The following TWF2 variants were observed in gnomAD, a reference collection of about 807,000 sequenced individuals.
The protein encoded by TWF2 is twinfilin actin binding protein 2, also known as twinfilin-2.
TWF2 carries 15 observed loss-of-function variants against 45.1 expected under a neutral mutation model. The ratio of observed to expected loss-of-function variants is 0.33; its 90% CI spans 0.22 to 0.51. The LOEUF (loss-of-function observed/expected upper bound fraction) is 0.51. Among genes scored for constraint, TWF2 ranks in the 20% least tolerant of loss-of-function variants. The pLI is 0.97. For missense variants in TWF2, 423 were observed against 469.1 expected, an observed-to-expected ratio of 0.90 and a Z score of 0.91; for synonymous variants, 177 against 195.8, an observed-to-expected ratio of 0.90 and a Z score of 0.80.
In TWF2 at chr3:52,231,199, G is replaced by A. The variant is rs164637; in HGVS notation, c.411C>T (p.His137=). The A allele has an allele frequency of 0.044, 70,371 of 1,614,020 alleles. 1,792 individuals are homozygous for A. The highest frequency in any genetic ancestry group is 0.05 in the Non-Finnish European group (58,492 of 1,179,938). The change falls in exon 5 of 9, where the codon CAC becomes CAT. Residue 137 remains histidine, a synonymous_variant. Coordinates refer to ENST00000305533, the MANE Select transcript of TWF2 (RefSeq NM_007284.4). ...GGGCAGGTGCCGCACAGGACGACAG[G>A]TGTTTCTGGTACCCAGCAAAAGAGA... The part of the protein sequence containing the change: ...DDLSFAGYQK[H]LSSCAAPAPL...
chr3:52,234,839 G>A (rs1329115726), intron 2 of TWF2, among the ~76,000 whole-genome samples, 190 bp downstream of exon 2: 2 of 152,230 alleles, frequency 1.3e-5, no homozygotes, highest in Admixed American at 6.5e-5. Context: ...CTGCATAACA[G>A]AGGTGACAAT....
intron 2 of TWF2, among the ~76,000 whole-genome samples, chr3:52,234,246 A>T (rs1208470415): frequency 6.6e-6 from 1 of 152,148 alleles, no homozygotes; most frequent in Non-Finnish European, 1.5e-5. Flanking sequence ...TGAATGGCTA[A>T]TGAGAAGAGC....
chr3:52,230,770 G>A, intron 6 of TWF2, 100 bp downstream of exon 6: 1 of 1,483,414 alleles, frequency 6.7e-7, no homozygotes, highest in Admixed American at 2.1e-5. Flanking sequence ...GGGACAGACT[G>A]CAGGCTGGTG....
Position 52,235,016 on chromosome 3 carries a change from G to A in TWF2, c.103+13C>T. The A allele has an allele frequency of 6.2e-7, 1 of 1,613,188 alleles. No individual in the cohort carries two copies. Among genetic ancestry groups the A allele is most frequent in the Non-Finnish European group, 8.5e-7 (1 of 1,179,948 alleles). On this transcript the variant is annotated intron_variant, in intron 2 of 8. Transcript: ENST00000305533. ...CCCCCAAGCCTATACCCTGGCCTGT[G>A]AGGGGCACTCACCGTCCTCAATCAC...
chr3:52,231,980 TTCGAAGCCC>T lies in TWF2; in HGVS notation c.237_245del (p.Gly80_Glu82del). The stretch of plus-strand genomic sequence containing the variant: ...CAGGCGACCAGGCGAGGAAGAGCCA[TTCGAAGCCC>T]TGAGCATTCTGTGAGTCGAGGCGGT... On this transcript the variant is annotated inframe_deletion, in exon 3 of 9. Transcript: ENST00000305533. 1 of 1,614,000 alleles carries T rather than the reference TTCGAAGCCC, an allele frequency of 6.2e-7. No individual in the cohort carries two copies. Among genetic ancestry groups the T allele is most frequent in the Non-Finnish European group, 8.5e-7 (1 of 1,179,932 alleles).
intron 1 of TWF2, 59 bp downstream of exon 1, chr3:52,238,933 G>GA (rs984393895): frequency 8.3e-6 from 13 of 1,563,690 alleles, no homozygotes; most frequent in Admixed American, 3.5e-5. Context: ...GAGAGCCGGG[G>GA]GGGGGCGCTT....
In TWF2 at chr3:52,231,454, C is replaced by G; in HGVS notation, c.368G>C (p.Gly123Ala). 1 of 1,613,954 alleles carries G rather than the reference C, an allele frequency of 6.2e-7. No individual in the cohort carries two copies. The highest frequency in any genetic ancestry group is 8.5e-7 in the Non-Finnish European group (1 of 1,179,922). ...GGGHIKDELFGTVKDDLSFAG... is the reference protein window; with the variant it reads ...GGGHIKDELFATVKDDLSFAG... ...CTGGCTTAGGATTACCTTCACAGTC[C>G]CGAAGAGCTCATCCTTGATGTGGCC... The change falls in exon 4 of 9, where the codon GGG becomes GCG. Residue 123 changes from glycine to alanine, a missense_variant. Transcript: ENST00000305533.
In TWF2 at chr3:52,238,146, G is replaced by A. The variant is rs1397389201; in HGVS notation, c.25+846C>T. Among the ~76,000 whole-genome samples, 27 of 152,188 alleles carry A rather than the reference G, an allele frequency of 1.8e-4. 1 individual carries two copies. The highest frequency in any genetic ancestry group is 1.5e-5 in the Non-Finnish European group (1 of 68,012). The stretch of plus-strand genomic sequence containing the variant: ...CTAGGGCTGGGGGCTGGGGGTGGGA[G>A]CTGGCCTGGATTCTTTAGGGCCAGG... On this transcript the variant is annotated intron_variant, in intron 1 of 8. Transcript: ENST00000305533.
chr3:52,235,650 A>G (rs898498781), intron 1 of TWF2, among the ~76,000 whole-genome samples: 1 of 152,256 alleles, frequency 6.6e-6, no homozygotes, highest in Non-Finnish European at 1.5e-5. Context: ...ACATGAACAC[A>G]TGCTCAGTTG....
chr3:52,236,151 A>G (rs1481611734), intron 1 of TWF2, among the ~76,000 whole-genome samples: 3 of 151,954 alleles, frequency 2.0e-5, no homozygotes, highest in Non-Finnish European at 4.4e-5. Context: ...AAATACAAAA[A>G]TTAGCCAGGC....
chr3:52,237,835 G>A (rs1385281698), intron 1 of TWF2, among the ~76,000 whole-genome samples: 1 of 152,260 alleles, frequency 6.6e-6, no homozygotes, highest in Non-Finnish European at 1.5e-5. Context: ...AACCGCACCA[G>A]GATTCAGGTG....
intron 1 of TWF2, among the ~76,000 whole-genome samples, 174 bp downstream of exon 1, chr3:52,238,818 A>G (rs1489899414): frequency 1.3e-5 from 2 of 151,940 alleles, no homozygotes; most frequent in Admixed American, 6.6e-5. Context: ...CCAGCTATGC[A>G]CACCACGTCC....
chr3:52,231,935 A>G lies in TWF2; in HGVS notation c.282+9T>C. 2 of 1,609,544 alleles carry G rather than the reference A, an allele frequency of 1.2e-6. No homozygotes were observed. The highest frequency in any genetic ancestry group is 1.7e-6 in the Non-Finnish European group (2 of 1,177,346). ...TCCCCTCCTCACTTCCCACTGGCCC[A>G]GGACTCACGGGGGAGTTATCAGGCG... On this transcript the variant is annotated intron_variant, in intron 3 of 8. Coordinates refer to ENST00000305533, the MANE Select transcript of TWF2 (RefSeq NM_007284.4).
intron 1 of TWF2, among the ~76,000 whole-genome samples, chr3:52,236,092 G>C (rs968532937): frequency 6.6e-6 from 1 of 152,100 alleles, no homozygotes; most frequent in East Asian, 1.9e-4. Flanking sequence ...CCTGAGGTCA[G>C]GAGTTCAAGA....
intron 1 of TWF2, among the ~76,000 whole-genome samples, chr3:52,238,422 GC>G (rs1281860154): frequency 1.3e-5 from 2 of 152,166 alleles, no homozygotes; most frequent in Non-Finnish European, 2.9e-5. Flanking sequence ...ACATAAACAA[GC>G]CCATTCAAGT....
chr3:52,229,229 C>T (rs1217813939), intron 8 of TWF2, 28 bp from the exon 9 acceptor site: 1 of 1,605,102 alleles, frequency 6.2e-7, no homozygotes, highest in Non-Finnish European at 8.5e-7. Context: ...GTGGTCACCC[C>T]AATGGGAGGG....
chr3:52,229,682 G>T lies in TWF2; in HGVS notation c.861C>A (p.Phe287Leu). 1 of 1,613,490 alleles carries T rather than the reference G, an allele frequency of 6.2e-7. No homozygotes were observed. The highest frequency in any genetic ancestry group is 1.3e-5 in the African/African-American group (1 of 75,066). ...SRLLDSVEQD[F>L]HLEIAKKIEI... ...CTACTTTCTTGGCGATCTCCAGATG[G>T]AAGTCCTGCTCCACGGAGTCGAGGA... The change falls in exon 8 of 9, where the codon TTC becomes TTA. Residue 287 changes from phenylalanine (F) to leucine (L), a missense_variant. Transcript: ENST00000305533.
intron 6 of TWF2, among the ~76,000 whole-genome samples, 154 bp from the exon 7 acceptor site, chr3:52,230,224 G>A (rs904224379): frequency 1.3e-5 from 2 of 152,202 alleles, no homozygotes; most frequent in African/African-American, 2.4e-5. Context: ...TCCCTCTATG[G>A]GGGTCCCTCT....
intron 2 of TWF2, 57 bp downstream of exon 2, chr3:52,234,972 A>C: frequency 1.3e-6 from 2 of 1,591,328 alleles, no homozygotes; most frequent in Non-Finnish European, 1.7e-6. Context: ...TCCCCCACCC[A>C]CAGAGGCAGC....
Sources: allele counts gnomAD v4.1 joint callset (sites outside exome capture counted in the v4.1 genomes callset), GRCh38; gene constraint gnomAD v4.1.1; transcripts MANE v1.5; gene names NCBI Gene and HGNC (gene_info 2026-07-23, HGNC 2026-07-21).